Variants in NAA16 observed in about 807,000 individuals in gnomAD.
NAA16 encodes the protein NARG1-like protein.
Under a neutral mutation model 110.3 loss-of-function variants are expected in NAA16, and 97 were observed. The ratio of observed to expected loss-of-function variants is 0.88; its 90% CI spans 0.75 to 1.04. The LOEUF (loss-of-function observed/expected upper bound fraction) is 1.04. Among genes scored for constraint, NAA16 ranks in the 50% least tolerant of loss-of-function variants. The probability of loss-of-function intolerance (pLI) is 0.00; values close to 1 mark genes in which losing one functional copy is unlikely to be tolerated. For synonymous variants in NAA16, 372 were observed against 330.6 expected (o/e 1.13, Z -1.36); for missense variants, 1,017 against 1,005.1 (o/e 1.01, Z -0.16).
chr13:41,333,210 T>C (rs969732903), intron 8 of NAA16, among the ~76,000 whole-genome samples: 2 of 152,200 alleles, frequency 1.3e-5, no homozygotes, highest in East Asian at 3.8e-4. Context: ...TGGAAGATGC[T>C]TAGGCTTACA....
At chr13:41,330,316 G>A (rs952237048) in intron 7 of NAA16, among the ~76,000 whole-genome samples, 1 of 151,734 alleles carries the variant, frequency 6.6e-6, no homozygotes, top group Non-Finnish European at 1.5e-5. Flanking sequence ...CTTCAAATGT[G>A]GTGTTTACAA....
chr13:41,363,964 TG>T (rs1475876916), intron 13 of NAA16, among the ~76,000 whole-genome samples: 6 of 152,092 alleles, frequency 3.9e-5, no homozygotes, highest in African/African-American at 1.2e-4. Context: ...TATGTAGAAA[TG>T]TGTTTCGTAT....
At chr13:41,344,595 A>T (rs1417936374) in intron 9 of NAA16, among the ~76,000 whole-genome samples, 1 of 152,170 alleles carries the variant, frequency 6.6e-6, no homozygotes, top group African/African-American at 2.4e-5. Flanking sequence ...CTAACAAAGG[A>T]TTCTACTGTT....
Position 41,361,006 on chromosome 13 carries a change from A to G in NAA16, c.1411-1025A>G, listed in dbSNP as rs186515269. Among the ~76,000 whole-genome samples the G allele has an allele frequency of 2.3e-3, 346 of 152,330 alleles. 2 individuals are homozygous for G. Among genetic ancestry groups the G allele is most frequent in the Admixed American group, 0.021 (314 of 15,294 alleles). On this transcript the variant is annotated intron_variant, in intron 12 of 19. Coordinates refer to ENST00000379406, the MANE Select transcript of NAA16 (RefSeq NM_024561.5). ...TTTAGACGTTTAATGTGTTCTGAAA[A>G]TTGAACTGATACACAAAATGTGAGG...
At chr13:41,375,003 T>A (rs564633006) in intron 19 of NAA16, among the ~76,000 whole-genome samples, 164 bp downstream of exon 19, 1 of 152,234 alleles carries the variant, frequency 6.6e-6, no homozygotes. Context: ...TCTCTTAGCT[T>A]CTTTTTCCTC....
At chr13:41,362,909 G>A in intron 13 of NAA16, 1 of 1,140,784 alleles carries the variant, frequency 8.8e-7, no homozygotes, top group Non-Finnish European at 1.1e-6. Flanking sequence ...AGTCACTTTG[G>A]CCTTTTTCCC....
chr13:41,339,351 T>G (rs1405688153), intron 9 of NAA16, among the ~76,000 whole-genome samples: 6 of 151,976 alleles, frequency 3.9e-5, no homozygotes, highest in African/African-American at 1.4e-4. Context: ...GTTGGTCAGG[T>G]TGGTCTTGAA....
At chr13:41,317,459 T>A (rs2041838357) in intron 2 of NAA16, among the ~76,000 whole-genome samples, 1 of 152,230 alleles carries the variant, frequency 6.6e-6, no homozygotes, top group South Asian at 2.1e-4. Context: ...GGTTGTGTCC[T>A]TTTTCAGTAA....
intron 9 of NAA16, among the ~76,000 whole-genome samples, chr13:41,344,715 T>C (rs1566273696): frequency 6.6e-6 from 1 of 152,246 alleles, no homozygotes; most frequent in Non-Finnish European, 1.5e-5. Context: ...CTTCCCCACC[T>C]ATTTTTGTTT....
chr13:41,343,580 G>T (rs2042609156), intron 9 of NAA16, among the ~76,000 whole-genome samples: 1 of 152,040 alleles, frequency 6.6e-6, no homozygotes, highest in South Asian at 2.1e-4. Flanking sequence ...CACCAGGCTG[G>T]AGTGCAGTGG....
chr13:41,328,330 G>A (rs2042146693), intron 6 of NAA16, among the ~76,000 whole-genome samples: 1 of 152,124 alleles, frequency 6.6e-6, no homozygotes, highest in African/African-American at 2.4e-5. Context: ...ATTAATATAT[G>A]AACTGATAGG....
intron 2 of NAA16, among the ~76,000 whole-genome samples, chr13:41,318,449 G>T (rs773460426): frequency 1.3e-5 from 2 of 152,080 alleles, no homozygotes; most frequent in Non-Finnish European, 2.9e-5. Flanking sequence ...TGATCCACCC[G>T]CCTCAGCCTC....
intron 10 of NAA16, 115 bp from the exon 11 acceptor site, chr13:41,358,189 A>T: frequency 1.1e-6 from 1 of 894,900 alleles, no homozygotes; most frequent in Non-Finnish European, 1.7e-6. Flanking sequence ...GTTTTTGCTG[A>T]GTCTTTCTTG....
At chr13:41,325,949 C>A in intron 6 of NAA16, 98 bp downstream of exon 6, 1 of 952,814 alleles carries the variant, frequency 1.0e-6, no homozygotes, top group Non-Finnish European at 1.5e-6. Context: ...TGTTATGTAT[C>A]TGGCAAGGTT....
Position 41,372,104 on chromosome 13 carries a change from T to TG in NAA16, c.1948-98dup, listed in dbSNP as rs1566303800. 3.0e-6 allele frequency: 3 copies of TG among 984,484 alleles called. No homozygotes were observed. The African/African-American group carries it at 5.1e-5, about 17-fold the overall frequency. 61.0% of individuals were successfully genotyped at this position (984,484 alleles called of 1,614,324 possible). ...TGTTATTTGGTTTTATAAAGAAAGC[T>TG]GTCTAAATTACTTTAGACATATGTT... is the stretch of plus-strand genomic sequence containing the variant. On this transcript the variant is annotated intron_variant, in intron 15 of 19. Coordinates refer to ENST00000379406, the MANE Select transcript of NAA16 (RefSeq NM_024561.5).
At chr13:41,324,635 A>G (rs1471438495) in intron 5 of NAA16, among the ~76,000 whole-genome samples, 2 of 150,382 alleles carry the variant, frequency 1.3e-5, no homozygotes, top group Non-Finnish European at 3.0e-5. Context: ...CTGCCTCCCA[A>G]AGTGCTGGGA....
At chr13:41,373,938 C>A in intron 18 of NAA16, 158 bp downstream of exon 18, 1 of 1,198,888 alleles carries the variant, frequency 8.3e-7, no homozygotes, top group Non-Finnish European at 1.1e-6. Context: ...ATAGGGGAAA[C>A]AGGGATGGAT....
chr13:41,318,815 C>G lies in NAA16; in HGVS notation c.149C>G (p.Ala50Gly). 1 of 1,544,682 alleles carries G rather than the reference C, an allele frequency of 6.5e-7. No individual in the cohort carries two copies. The highest frequency in any genetic ancestry group is 1.3e-5 in the South Asian group (1 of 79,424). ...AAAAATTATTTTTCAGAGACTTTGG[C>G]TATGAAAGGATTAACACTGAACTGT... is the stretch of plus-strand genomic sequence containing the variant. Reference protein sequence around the residue: ...PKFAEHGETLAMKGLTLNCLG... With the variant: ...PKFAEHGETLGMKGLTLNCLG... The change falls in exon 3 of 20, where the codon GCT (alanine) becomes GGT (glycine). Residue 50 changes from alanine to glycine, a missense_variant. Coordinates refer to ENST00000379406, the MANE Select transcript of NAA16 (RefSeq NM_024561.5).
At chr13:41,349,646 A>G (rs1448010029) in intron 9 of NAA16, among the ~76,000 whole-genome samples, 1 of 152,182 alleles carries the variant, frequency 6.6e-6, no homozygotes, top group Non-Finnish European at 1.5e-5. Context: ...GTTCAACTAA[A>G]GGTAACAGTC....
Sources: allele counts gnomAD v4.1 joint callset (sites outside exome capture counted in the v4.1 genomes callset), GRCh38; gene constraint gnomAD v4.1.1; transcripts MANE v1.5; gene names NCBI Gene and HGNC (gene_info 2026-07-23, HGNC 2026-07-21).